MACROD2: variants seen among roughly 807,000 people sequenced by gnomAD.
MACROD2 encodes the protein ADP-ribose glycohydrolase MACROD2.
MACROD2 carries 36 observed loss-of-function variants against 70.4 expected under a neutral mutation model. That is an observed-to-expected ratio of 0.51 (90% CI 0.39 to 0.68). The LOEUF (loss-of-function observed/expected upper bound fraction) is 0.68. Among genes scored for constraint, MACROD2 ranks in the 30% least tolerant of loss-of-function variants. The pLI is 0.00. For synonymous variants in MACROD2, 172 were observed against 178.8 expected (o/e 0.96, Z 0.30); for missense variants, 496 against 538.4 (o/e 0.92, Z 0.78).
At chr20:14,820,701 G>A (rs563350286) in intron 5 of MACROD2, among the ~76,000 whole-genome samples, 1 of 152,136 alleles carries the variant, frequency 6.6e-6, no homozygotes, top group African/African-American at 2.4e-5. Flanking sequence ...TGTGGAAATA[G>A]ATTTCCGTTA....
At chr20:15,005,245 A>G (rs1457270135) in intron 5 of MACROD2, among the ~76,000 whole-genome samples, 1 of 152,216 alleles carries the variant, frequency 6.6e-6, no homozygotes, top group African/African-American at 2.4e-5. Context: ...GGAATTTCCT[A>G]TCACTGTGGT....
chr20:15,880,840 C>T (rs1214401714), intron 9 of MACROD2, among the ~76,000 whole-genome samples: 9 of 152,162 alleles, frequency 5.9e-5, no homozygotes, highest in Middle Eastern at 3.4e-3. Flanking sequence ...ATAGGCAGGA[C>T]ATCCACATCT....
At chr20:14,570,995 C>T (rs904481852) in intron 4 of MACROD2, among the ~76,000 whole-genome samples, 1 of 152,044 alleles carries the variant, frequency 6.6e-6, no homozygotes, top group Non-Finnish European at 1.5e-5. Context: ...TGAAACTTTA[C>T]TTTAAGCACT....
At chr20:14,313,625 G>A (rs2082587503) in intron 3 of MACROD2, among the ~76,000 whole-genome samples, 1 of 152,078 alleles carries the variant, frequency 6.6e-6, no homozygotes, top group Non-Finnish European at 1.5e-5. Context: ...TAAGACTATT[G>A]CAGCATAATA....
intron 4 of MACROD2, among the ~76,000 whole-genome samples, chr20:14,609,825 G>A (rs1983044930): frequency 6.6e-6 from 1 of 151,968 alleles, no homozygotes; most frequent in Admixed American, 6.6e-5. Flanking sequence ...ATGGGCTGTG[G>A]GACAGAATGA....
intron 4 of MACROD2, among the ~76,000 whole-genome samples, chr20:14,552,454 C>T (rs758386245): frequency 3.3e-5 from 5 of 150,924 alleles, no homozygotes; most frequent in Admixed American, 6.6e-5. Flanking sequence ...AACAAAAAAG[C>T]CTTTTGGTGT....
chr20:14,898,879 T>C (rs906431470), intron 5 of MACROD2, among the ~76,000 whole-genome samples: 1 of 152,206 alleles, frequency 6.6e-6, no homozygotes, highest in Non-Finnish European at 1.5e-5. Flanking sequence ...AGTAGTATCA[T>C]TGTTGGACAA....
chr20:15,896,465 T>A (rs1390960967), intron 10 of MACROD2, among the ~76,000 whole-genome samples: 2 of 152,146 alleles, frequency 1.3e-5, no homozygotes, highest in Non-Finnish European at 1.5e-5. Flanking sequence ...TTCTACAGAA[T>A]TTTTTTAAAG....
At chr20:15,711,598 A>T (rs1600794430) in intron 8 of MACROD2, among the ~76,000 whole-genome samples, 1 of 152,230 alleles carries the variant, frequency 6.6e-6, no homozygotes, top group African/African-American at 2.4e-5. Flanking sequence ...CAGGTGCTGC[A>T]GCTTGGGGAA....
chr20:14,378,249 G>T (rs149564032), intron 3 of MACROD2, among the ~76,000 whole-genome samples: 1 of 152,144 alleles, frequency 6.6e-6, no homozygotes, highest in Non-Finnish European at 1.5e-5. Flanking sequence ...GAGTGCTAAG[G>T]TGCACTACAC....
chr20:16,001,820 C>T (rs6135630), intron 15 of MACROD2, among the ~76,000 whole-genome samples: 58,446 of 151,716 alleles, frequency 0.39, 12,138 homozygotes, highest in Non-Finnish European at 0.45. Flanking sequence ...GTTCATTTTT[C>T]GTAACGTATT....
intron 8 of MACROD2, among the ~76,000 whole-genome samples, chr20:15,561,816 TAAG>T (rs1334888975): frequency 2.6e-5 from 4 of 152,086 alleles, no homozygotes; most frequent in Non-Finnish European, 5.9e-5. Context: ...GGAATTAAAA[TAAG>T]AACAGAGCAC....
At chr20:15,325,337 A>T (rs1413418262) in intron 6 of MACROD2, among the ~76,000 whole-genome samples, 1 of 152,204 alleles carries the variant, frequency 6.6e-6, no homozygotes, top group Non-Finnish European at 1.5e-5. Context: ...AATTAAAATT[A>T]CAAAACCTTG....
chr20:15,468,092 C>A (rs4814380), intron 7 of MACROD2, among the ~76,000 whole-genome samples: 4 of 152,088 alleles, frequency 2.6e-5, no homozygotes, highest in Non-Finnish European at 5.9e-5. Context: ...TCCCACTAGA[C>A]TATAAATGTC....
intron 8 of MACROD2, among the ~76,000 whole-genome samples, chr20:15,857,314 C>T (rs1294213929): frequency 1.3e-5 from 2 of 152,162 alleles, no homozygotes; most frequent in Non-Finnish European, 2.9e-5. Flanking sequence ...AGGAAAGCTG[C>T]ATGCAAAGCG....
intron 8 of MACROD2, among the ~76,000 whole-genome samples, chr20:15,551,259 C>T (rs1012546953): frequency 6.6e-6 from 1 of 151,800 alleles, no homozygotes; most frequent in Non-Finnish European, 1.5e-5. Context: ...CAACAGTCAA[C>T]ACACTCTGAC....
intron 12 of MACROD2, among the ~76,000 whole-genome samples, chr20:15,940,913 C>T (rs2065742382): frequency 1.3e-5 from 2 of 152,074 alleles, no homozygotes; most frequent in Admixed American, 6.6e-5. Flanking sequence ...TTTAAAGTGT[C>T]ATGAAGTTGA....
chr20:15,399,206 A>G (rs1490008433), intron 6 of MACROD2, among the ~76,000 whole-genome samples: 2 of 152,190 alleles, frequency 1.3e-5, no homozygotes, highest in Non-Finnish European at 2.9e-5. Flanking sequence ...CAAATTGTTG[A>G]CACAGTTCCT....
At chr20:14,775,817 T>C (rs531005448) in intron 5 of MACROD2, among the ~76,000 whole-genome samples, 1 of 152,182 alleles carries the variant, frequency 6.6e-6, no homozygotes, top group East Asian at 1.9e-4. Context: ...TAAAAAATTT[T>C]ATATGGACCC....
Sources: allele counts gnomAD v4.1 joint callset (sites outside exome capture counted in the v4.1 genomes callset), GRCh38; gene constraint gnomAD v4.1.1; transcripts MANE v1.5; gene names NCBI Gene and HGNC (gene_info 2026-07-23, HGNC 2026-07-21).